GRAMD1B: variants seen among roughly 807,000 people sequenced by gnomAD.
GRAMD1B encodes the protein protein Aster-B.
Under a neutral mutation model 99.7 loss-of-function variants are expected in GRAMD1B, and 37 were observed. The observed-to-expected ratio is 0.37, with a 90% confidence interval of 0.29 to 0.49. GRAMD1B has a LOEUF of 0.49. Among genes scored for constraint, GRAMD1B ranks in the 20% least tolerant of loss-of-function variants. The pLI is 0.98. For missense variants in GRAMD1B, 888 were observed against 1,009.2 expected, an observed-to-expected ratio of 0.88 and a Z score of 1.63; for synonymous variants, 427 against 387.6, an observed-to-expected ratio of 1.10 and a Z score of -1.19.
chr11:123,610,085 C>G lies in GRAMD1B; in HGVS notation c.1777-111C>G, dbSNP rs750536264. The G allele has an allele frequency of 3.2e-5, 32 of 996,626 alleles. No homozygotes were observed. The highest frequency in any genetic ancestry group is 4.4e-5 in the Non-Finnish European group (29 of 651,954). 61.7% of individuals were successfully genotyped at this position (996,626 alleles called of 1,614,324 possible). ...GCTGCTGATTCCAGTGATCCTGGTTCTCCTGTTCAGAAGCCGTGGGGTGGG... is the reference window on the plus strand; with the variant it reads ...GCTGCTGATTCCAGTGATCCTGGTTGTCCTGTTCAGAAGCCGTGGGGTGGG... On this transcript the variant is annotated intron_variant, in intron 13 of 19. Coordinates refer to ENST00000635736, the MANE Select transcript of GRAMD1B (RefSeq NM_001387025.1). The surrounding 1 kb of genome is among the most constrained non-coding windows in gnomAD (Gnocchi z 4.1).
At chr11:123,484,119 C>T (rs897162415) in intron 2 of GRAMD1B, among the ~76,000 whole-genome samples, 4 of 152,286 alleles carry the variant, frequency 2.6e-5, no homozygotes, top group Middle Eastern at 3.4e-3. Flanking sequence ...CCACAGAGGT[C>T]GCCCAGCACA....
At chr11:123,390,799 C>A (rs1240474541) in intron 1 of GRAMD1B, among the ~76,000 whole-genome samples, 4 of 152,236 alleles carry the variant, frequency 2.6e-5, no homozygotes, top group Non-Finnish European at 5.9e-5. Context: ...CTAGGCCAAA[C>A]TCATGTTTGC....
At chr11:123,474,514 G>A (rs1452391254) in intron 1 of GRAMD1B, among the ~76,000 whole-genome samples, 1 of 152,102 alleles carries the variant, frequency 6.6e-6, no homozygotes, top group African/African-American at 2.4e-5. Flanking sequence ...GTGAGTAATC[G>A]CAATAAGTCT....
intron 2 of GRAMD1B, among the ~76,000 whole-genome samples, chr11:123,488,049 T>C (rs986570350): frequency 3.3e-5 from 5 of 152,148 alleles, no homozygotes; most frequent in African/African-American, 1.2e-4. Context: ...AGATCAAGAT[T>C]TGGGCATTCA....
At chr11:123,463,853 A>G (rs1173994761) in intron 1 of GRAMD1B, among the ~76,000 whole-genome samples, 4 of 152,228 alleles carry the variant, frequency 2.6e-5, no homozygotes, top group African/African-American at 9.6e-5. Context: ...AGCCCCAGAA[A>G]GGAAAACTGT....
At chr11:123,498,744 T>C (rs1002299130) in intron 2 of GRAMD1B, among the ~76,000 whole-genome samples, 3 of 152,140 alleles carry the variant, frequency 2.0e-5, no homozygotes, top group African/African-American at 4.8e-5. Context: ...TTTAACGTGG[T>C]TCAGAGTCAC....
In GRAMD1B at chr11:123,521,320, T is replaced by C. The variant is rs575217080; in HGVS notation, c.452+40427T>C. Among the ~76,000 whole-genome samples the C allele has an allele frequency of 3.3e-5, 5 of 152,354 alleles. No individual in the cohort carries two copies. The South Asian group carries it at 8.3e-4, about 25-fold the overall frequency. ...CTAATGGATTGAGCTCCTTTTTATA[T>C]AGTTTATTGCTTTCTTTTCTGAAAA... On this transcript the variant is annotated intron_variant, in intron 2 of 19. Coordinates refer to ENST00000635736, the MANE Select transcript of GRAMD1B (RefSeq NM_001387025.1).
intron 2 of GRAMD1B, among the ~76,000 whole-genome samples, chr11:123,507,287 G>A (rs1940529737): frequency 6.6e-6 from 1 of 152,198 alleles, no homozygotes; most frequent in African/African-American, 2.4e-5. Flanking sequence ...TTTGGTTTGT[G>A]GTGGGGGTAT....
chr11:123,595,396 C>T lies in GRAMD1B; in HGVS notation c.874-546C>T, dbSNP rs141937231. Among the ~76,000 whole-genome samples, 626 of 152,096 alleles carry T rather than the reference C, an allele frequency of 4.1e-3. 4 individuals are homozygous for T. Among genetic ancestry groups the T allele is most frequent in the South Asian group, 0.014 (66 of 4,812 alleles). ...CCTGCCCCCAGCCCCTGGGTTCAAG[C>T]GATTCTCCTGCCTCAGCCTCCCGAG... On this transcript the variant is annotated intron_variant, in intron 6 of 19. Coordinates refer to ENST00000635736, the MANE Select transcript of GRAMD1B (RefSeq NM_001387025.1).
intron 2 of GRAMD1B, among the ~76,000 whole-genome samples, chr11:123,490,087 T>G (rs548759006): frequency 6.6e-6 from 1 of 152,346 alleles, no homozygotes; most frequent in South Asian, 2.1e-4. Context: ...AAGAGCACTA[T>G]GTACTGGGAT....
chr11:123,500,504 G>A (rs1939744271), intron 2 of GRAMD1B, among the ~76,000 whole-genome samples: 1 of 152,076 alleles, frequency 6.6e-6, no homozygotes, highest in Non-Finnish European at 1.5e-5. Context: ...ATTAATTGGA[G>A]TCTTTTTAAA....
intron 17 of GRAMD1B, among the ~76,000 whole-genome samples, chr11:123,617,148 TTA>T (rs1173853028): frequency 2.0e-5 from 3 of 151,988 alleles, no homozygotes; most frequent in African/African-American, 7.2e-5. Flanking sequence ...CATCTCTCTT[TTA>T]TCTGTTTTTC....
chr11:123,471,268 G>A (rs1454007978), intron 1 of GRAMD1B, among the ~76,000 whole-genome samples: 1 of 152,142 alleles, frequency 6.6e-6, no homozygotes, highest in Non-Finnish European at 1.5e-5. Flanking sequence ...CAAAACTTAG[G>A]TTTCCCTGAT....
chr11:123,607,824 G>A (rs1952955220), intron 11 of GRAMD1B: 2 of 152,258 alleles, frequency 1.3e-5, no homozygotes, highest in South Asian at 2.1e-4. Flanking sequence ...CAAGGGTTCG[G>A]GGGGGAGCAC....
At chr11:123,557,002 C>T (rs186964234) in intron 2 of GRAMD1B, among the ~76,000 whole-genome samples, 152 of 152,280 alleles carry the variant, frequency 1.0e-3, no homozygotes, top group Non-Finnish European at 2.6e-4. Context: ...GAGTAGGACT[C>T]GGGTAAGGCA....
chr11:123,485,890 T>G (rs955464209), intron 2 of GRAMD1B, among the ~76,000 whole-genome samples: 6 of 151,940 alleles, frequency 3.9e-5, no homozygotes, highest in African/African-American at 1.5e-4. Context: ...AACTTTTGTA[T>G]TTTTTGGTAG....
intron 1 of GRAMD1B, among the ~76,000 whole-genome samples, chr11:123,379,808 T>C (rs1591385337): frequency 6.6e-6 from 1 of 152,240 alleles, no homozygotes; most frequent in South Asian, 2.1e-4. Flanking sequence ...GTATATTGCA[T>C]ATATATGCGG....
chr11:123,619,194 C>T lies in GRAMD1B; in HGVS notation c.2514C>T (p.Ile838=), dbSNP rs1288469485. Residue 838 remains isoleucine, a synonymous_variant, in exon 19 of 20, where the codon ATC becomes ATT. Coordinates refer to ENST00000635736, the MANE Select transcript of GRAMD1B (RefSeq NM_001387025.1). ...HDTELQKWRE[I]IKSSVMLLDQ... ...CTGAGCTCCAAAAATGGAGGGAAAT[C>T]ATCAAATCCTCAGTGATGCTCCTTG... 6.4e-7 allele frequency: 1 copy of T among 1,565,010 alleles called. No individual in the cohort carries two copies. The highest frequency in any genetic ancestry group is 8.7e-7 in the Non-Finnish European group (1 of 1,154,620).
chr11:123,505,878 A>G (rs1020249813), intron 2 of GRAMD1B, among the ~76,000 whole-genome samples: 1 of 151,998 alleles, frequency 6.6e-6, no homozygotes, highest in African/African-American at 2.4e-5. Flanking sequence ...TCTCCTCTTT[A>G]GAGAACCTGT....
Sources: gnomAD v4.1 joint callset for allele counts (sites outside exome capture counted in the v4.1 genomes callset) on GRCh38, gnomAD v4.1.1 for gene constraint, Gnocchi (gnomAD v3.1) non-coding constraint, MANE v1.5 for transcripts, NCBI Gene and HGNC (gene_info 2026-07-23, HGNC 2026-07-21) for gene names.